Variants in PCED1B observed in about 807,000 individuals in gnomAD.
PCED1B encodes the protein PC-esterase domain containing 1B.
For missense variants in PCED1B, 573 were observed against 573.9 expected (o/e 1.00, Z 0.02); for synonymous variants, 251 against 246.1 (o/e 1.02, Z -0.19).
chr12:47,190,445 G>A (rs746682355), intron 2 of PCED1B, among the ~76,000 whole-genome samples: 1 of 152,178 alleles, frequency 6.6e-6, no homozygotes, highest in Non-Finnish European at 1.5e-5. Context: ...TCTTCCTCCA[G>A]CTCCCTGCAG....
At chr12:47,096,184 C>T (rs1938479003) in intron 1 of PCED1B, among the ~76,000 whole-genome samples, 1 of 152,086 alleles carries the variant, frequency 6.6e-6, no homozygotes, top group Non-Finnish European at 1.5e-5. Flanking sequence ...CATTTCTGTA[C>T]AGTATCATAT....
chr12:47,217,547 A>AG (rs1392640146), intron 3 of PCED1B, among the ~76,000 whole-genome samples: 2 of 151,338 alleles, frequency 1.3e-5, no homozygotes, highest in African/African-American at 4.9e-5. Flanking sequence ...AGAAAAGGAA[A>AG]GAAAGAAAGA....
rs186534273 is a variant in PCED1B, at chr12:47,170,780, G to T, written c.-525-45442G>T. ...AGAAAATTTAGCCCATTCATGTTAA[G>T]TATAACAACTGTTTTATTCATTCTA... is the stretch of plus-strand genomic sequence containing the variant. On this transcript the variant is annotated intron_variant, in intron 2 of 3. Transcript: ENST00000546455. Among the ~76,000 whole-genome samples, 16 of 152,254 alleles carry T rather than the reference G, an allele frequency of 1.1e-4. No individual in the cohort carries two copies. The East Asian group carries it at 3.1e-3, about 29-fold the overall frequency.
chr12:47,125,001 G>A (rs1231959265), intron 2 of PCED1B, among the ~76,000 whole-genome samples: 1 of 151,964 alleles, frequency 6.6e-6, no homozygotes, highest in African/African-American at 2.4e-5. Flanking sequence ...CTAAATAGCA[G>A]ATATTCTTAA....
At position 47,202,220 on chromosome 12, in the gene PCED1B, G is replaced by T. The variant is rs376090222; in HGVS notation, c.-525-14002G>T. ...GCACATAATAGAAGGGTTAATATTT[G>T]CAATGACAGGGAGTTGATATTCAAT... On this transcript the variant is annotated intron_variant, in intron 2 of 3. Transcript: ENST00000546455. Among the ~76,000 whole-genome samples, 20 of 152,258 alleles carry T rather than the reference G, an allele frequency of 1.3e-4. No homozygotes were observed. In the East Asian group the frequency reaches 1.5e-3, roughly 12 times the overall value.
At chr12:47,162,155 T>G (rs1398302462) in intron 2 of PCED1B, among the ~76,000 whole-genome samples, 1 of 151,868 alleles carries the variant, frequency 6.6e-6, no homozygotes, top group Non-Finnish European at 1.5e-5. Context: ...GAGATATACC[T>G]AATGTAAATG....
chr12:47,148,300 T>G (rs1438739020), intron 2 of PCED1B, among the ~76,000 whole-genome samples: 1 of 152,196 alleles, frequency 6.6e-6, no homozygotes, highest in South Asian at 2.1e-4. Flanking sequence ...TTATTATGAT[T>G]TTAGAGGGGA....
At chr12:47,178,709 A>T (rs992313884) in intron 2 of PCED1B, among the ~76,000 whole-genome samples, 1 of 152,050 alleles carries the variant, frequency 6.6e-6, no homozygotes, top group South Asian at 2.1e-4. Flanking sequence ...TCTACTAAAA[A>T]TACAAAAATT....
intron 2 of PCED1B, among the ~76,000 whole-genome samples, chr12:47,199,870 T>A (rs1038079306): frequency 5.9e-5 from 9 of 152,144 alleles, no homozygotes; most frequent in Admixed American, 1.3e-4. Flanking sequence ...AATTGATAAG[T>A]GAGACTTCAA....
chr12:47,129,212 C>T (rs1422547724), intron 2 of PCED1B, among the ~76,000 whole-genome samples: 6 of 152,192 alleles, frequency 3.9e-5, no homozygotes, highest in Admixed American at 3.9e-4. Flanking sequence ...GTGGCTAACA[C>T]CTGTAATCCC....
chr12:47,168,249 CA>C (rs2137536892), intron 2 of PCED1B, among the ~76,000 whole-genome samples: 1 of 152,296 alleles, frequency 6.6e-6, no homozygotes, highest in South Asian at 2.1e-4. Context: ...TCTTCTGTAG[CA>C]TTTGATCTAC....
chr12:47,089,492 A>ATG (rs1361803323), intron 1 of PCED1B, among the ~76,000 whole-genome samples: 4 of 83,674 alleles, frequency 4.8e-5, no homozygotes, highest in Middle Eastern at 5.2e-3. Flanking sequence ...ATATATATAT[A>ATG]TGTATATACC....
chr12:47,217,575 G>T lies in PCED1B; in HGVS notation c.-58+886G>T, dbSNP rs1030117888. 5.3e-5 allele frequency among the ~76,000 whole-genome samples: 8 copies of T among 151,934 alleles called. No homozygotes were observed. In the East Asian group the frequency reaches 9.6e-4, roughly 18 times the overall value. ...AAGAAAGAAAATAATTTCTTAGGTT[G>T]TTTTTGTTTTTGTTTTTTTGTGATG... On this transcript the variant is annotated intron_variant, in intron 3 of 3. Transcript: ENST00000546455.
chr12:47,089,205 G>A (rs1192907349), intron 1 of PCED1B, among the ~76,000 whole-genome samples: 1 of 151,868 alleles, frequency 6.6e-6, no homozygotes, highest in Non-Finnish European at 1.5e-5. Context: ...CACTTTGGGA[G>A]GCCAAGGCAG....
chr12:47,224,341 T>A (rs1015884086), intron 3 of PCED1B, among the ~76,000 whole-genome samples: 4 of 152,236 alleles, frequency 2.6e-5, no homozygotes, highest in Admixed American at 6.5e-5. Context: ...AAATGCTCTC[T>A]GCATTTCTTT....
chr12:47,155,619 A>T (rs999174417), intron 2 of PCED1B, among the ~76,000 whole-genome samples: 1 of 152,230 alleles, frequency 6.6e-6, no homozygotes, highest in Non-Finnish European at 1.5e-5. Context: ...GGAAACAGGT[A>T]TAAGTACCAC....
At chr12:47,133,540 G>T (rs1940221113) in intron 2 of PCED1B, among the ~76,000 whole-genome samples, 1 of 152,122 alleles carries the variant, frequency 6.6e-6, no homozygotes, top group African/African-American at 2.4e-5. Flanking sequence ...TGAGATGTGG[G>T]TTCAAGCCTG....
intron 2 of PCED1B, among the ~76,000 whole-genome samples, chr12:47,108,750 T>C (rs988556583): frequency 6.6e-6 from 1 of 152,208 alleles, no homozygotes; most frequent in Non-Finnish European, 1.5e-5. Context: ...TTCTTTAAAC[T>C]TCATGCCTCT....
At chr12:47,085,412 T>G (rs1015896211) in intron 1 of PCED1B, among the ~76,000 whole-genome samples, 1 of 152,200 alleles carries the variant, frequency 6.6e-6, no homozygotes, top group Non-Finnish European at 1.5e-5. Flanking sequence ...AAAAGTAACT[T>G]AAGGCAAGTT....
Sources: allele counts gnomAD v4.1 joint callset (sites outside exome capture counted in the v4.1 genomes callset), GRCh38; gene constraint gnomAD v4.1.1; transcripts MANE v1.5; gene names NCBI Gene and HGNC (gene_info 2026-07-23, HGNC 2026-07-21).